RNFT2: variants seen among roughly 807,000 people sequenced by gnomAD.
RNFT2 encodes the protein E3 ubiquitin-protein ligase RNFT2.
In RNFT2, 36 loss-of-function variants were observed where a neutral mutation model predicts 53.0. That is an observed-to-expected ratio of 0.68 (90% CI 0.52 to 0.90). The LOEUF (loss-of-function observed/expected upper bound fraction) is 0.90, where lower values mean the gene tolerates loss of function less well. Ranked by LOEUF, RNFT2 falls within the 40% of genes least tolerant of loss-of-function variation. The pLI, the probability that RNFT2 is intolerant of heterozygous loss-of-function variation, is 0.00. For synonymous variants in RNFT2, 260 were observed against 253.2 expected, an observed-to-expected ratio of 1.03 and a Z score of -0.26; for missense variants, 514 against 585.6, an observed-to-expected ratio of 0.88 and a Z score of 1.26.
chr12:116,740,407 G>A lies in RNFT2; in HGVS notation c.-91G>A. 4.6e-6 allele frequency: 6 copies of A among 1,292,810 alleles called. No individual in the cohort carries two copies. Among genetic ancestry groups the A allele is most frequent in the Non-Finnish European group, 6.6e-6 (6 of 913,050 alleles). 80.1% of individuals were successfully genotyped at this position (1,292,810 alleles called of 1,614,324 possible). The stretch of plus-strand genomic sequence containing the variant: ...CCTCTGGAGACGAAGAGGAGGGGGA[G>A]GCCTGTCCTCTCTGGGATCCATTGG... On this transcript the variant is annotated 5_prime_UTR_variant, in exon 2 of 11. Transcript: ENST00000257575.
intron 7 of RNFT2, among the ~76,000 whole-genome samples, chr12:116,797,566 G>A (rs887415065): frequency 2.0e-5 from 3 of 151,760 alleles, no homozygotes; most frequent in Non-Finnish European, 4.4e-5. Flanking sequence ...TATTAAGTTA[G>A]AGTGAGGTCA....
At position 116,850,829 on chromosome 12, in the gene RNFT2, C is replaced by T. The variant is rs1227856135; in HGVS notation, c.*1381C>T. ...TGTATTTTTAGTAGAGATGGGGTTT[C>T]ACCACGTTGGCCAGGCTGGCCTCAA... On this transcript the variant is annotated 3_prime_UTR_variant, in exon 11 of 11. Transcript: ENST00000257575. 6.6e-6 allele frequency: 1 copy of T among 150,774 alleles called. No individual in the cohort carries two copies. The highest frequency in any genetic ancestry group is 1.5e-5 in the Non-Finnish European group (1 of 67,918). 9.3% of individuals were successfully genotyped at this position (150,774 alleles called of 1,614,324 possible). A position where few individuals can be genotyped will look rare whatever the true frequency, so the allele number is the denominator to read the frequency against.
In RNFT2 at chr12:116,790,263, G is replaced by A. The variant is rs545006069; in HGVS notation, c.882+10915G>A. Among the ~76,000 whole-genome samples, 43 of 152,268 alleles carry A rather than the reference G, an allele frequency of 2.8e-4. No homozygotes were observed. In the South Asian group the frequency reaches 4.6e-3, roughly 16 times the overall value. ...CATTTATTATGAGGCAATGTGTTAA[G>A]CAATGCCATTTGTTCAAGAAATATT... is the stretch of plus-strand genomic sequence containing the variant. On this transcript the variant is annotated intron_variant, in intron 7 of 10. Transcript: ENST00000257575.
At position 116,750,091 on chromosome 12, in the gene RNFT2, C is replaced by G; in HGVS notation, c.334C>G (p.Pro112Ala). The G allele has an allele frequency of 6.4e-7, 1 of 1,552,718 alleles. No individual in the cohort carries two copies. Among genetic ancestry groups the G allele is most frequent in the Non-Finnish European group, 8.7e-7 (1 of 1,154,170 alleles). ...GGGGGGCGCCTACCACCACCGCCAG[C>G]CCCACCACCATTTCCACCATGGCGG... ...GEGGAYHHRQ[P>A]HHHFHHGGHR... The change falls in exon 4 of 11, where the codon CCC (proline) becomes GCC (alanine). Residue 112 changes from proline to alanine, a missense_variant. Coordinates refer to ENST00000257575, the MANE Select transcript of RNFT2 (RefSeq NM_001382266.1).
chr12:116,830,959 TC>T (rs1490508657), intron 7 of RNFT2, among the ~76,000 whole-genome samples: 4 of 151,264 alleles, frequency 2.6e-5, no homozygotes, highest in Non-Finnish European at 5.9e-5. Context: ...GAAACCAAGA[TC>T]CCATGTTACA....
At chr12:116,789,960 GTGGATGGATGGATGGATGGATGGA>G (rs71095596) in intron 7 of RNFT2, among the ~76,000 whole-genome samples, 1 of 146,172 alleles carries the variant, frequency 6.8e-6, no homozygotes, top group Non-Finnish European at 1.5e-5. Flanking sequence ...GGATGGGTGG[GTGGATGGATGGATGGATGGATGGA>G]TGGATGGATA....
intron 7 of RNFT2, among the ~76,000 whole-genome samples, chr12:116,796,197 C>T (rs974835882): frequency 6.6e-6 from 1 of 151,876 alleles, no homozygotes; most frequent in Non-Finnish European, 1.5e-5. Flanking sequence ...GTGTGAGCCA[C>T]CATGCCCAGC....
chr12:116,786,989 G>A (rs1050949523), intron 7 of RNFT2, among the ~76,000 whole-genome samples: 1 of 152,132 alleles, frequency 6.6e-6, no homozygotes, highest in African/African-American at 2.4e-5. Flanking sequence ...CACATGTAAC[G>A]GTATTTTGGG....
intron 6 of RNFT2, among the ~76,000 whole-genome samples, chr12:116,772,316 T>G (rs1873238525): frequency 6.6e-6 from 1 of 152,202 alleles, no homozygotes; most frequent in Admixed American, 6.5e-5. Context: ...TTATTTTGTT[T>G]TTATTTTTTG....
Position 116,741,084 on chromosome 12 carries a change from C to T in RNFT2, c.73C>T (p.Pro25Ser), listed in dbSNP as rs747820434. 2.5e-6 allele frequency: 4 copies of T among 1,609,890 alleles called. No individual in the cohort carries two copies. The highest frequency in any genetic ancestry group is 3.4e-6 in the Non-Finnish European group (4 of 1,178,130). Residue 25 changes from proline to serine, a missense_variant, in exon 3 of 11, where the codon CCA (proline) becomes TCA (serine). This residue lies in a region of RNFT2 where 237 missense variants were observed against 235.1 expected (regional missense o/e 1.01). Coordinates refer to ENST00000257575, the MANE Select transcript of RNFT2 (RefSeq NM_001382266.1). ...CCACAGCAGCAACACGGATAACATT[C>T]CACCTGAAAGGTAGGCATCCCTGCT... ...RRHSSNTDNI[P>S]PERNRSQALS...
chr12:116,743,983 T>A (rs969812958), intron 3 of RNFT2, among the ~76,000 whole-genome samples: 1 of 152,084 alleles, frequency 6.6e-6, no homozygotes, highest in Non-Finnish European at 1.5e-5. Flanking sequence ...TCCCAGCACT[T>A]TGCGGGGGTA....
intron 6 of RNFT2, among the ~76,000 whole-genome samples, chr12:116,767,571 T>G (rs1334534362): frequency 6.6e-6 from 1 of 151,820 alleles, no homozygotes; most frequent in Non-Finnish European, 1.5e-5. Flanking sequence ...ATTATGTTTT[T>G]TTTTTGTTTG....
intron 7 of RNFT2, among the ~76,000 whole-genome samples, chr12:116,784,419 A>G (rs915494278): frequency 6.6e-5 from 10 of 152,194 alleles, no homozygotes; most frequent in African/African-American, 2.2e-4. Context: ...TGGGCTGCAC[A>G]TGGTCATGTG....
At chr12:116,768,023 A>G (rs566296692) in intron 6 of RNFT2, among the ~76,000 whole-genome samples, 1 of 152,206 alleles carries the variant, frequency 6.6e-6, no homozygotes, top group African/African-American at 2.4e-5. Flanking sequence ...TTCTGGAAGG[A>G]CAACCAAGAA....
intron 3 of RNFT2, among the ~76,000 whole-genome samples, chr12:116,742,099 C>T (rs527369272): frequency 6.6e-6 from 1 of 152,152 alleles, no homozygotes; most frequent in South Asian, 2.1e-4. Flanking sequence ...GCAGGGCCAC[C>T]TGGGGAAGCA....
At chr12:116,841,222 T>A (rs1383181915) in intron 10 of RNFT2, among the ~76,000 whole-genome samples, 1 of 151,832 alleles carries the variant, frequency 6.6e-6, no homozygotes, top group East Asian at 1.9e-4. Flanking sequence ...GAGGCCAAGG[T>A]GGGCAGATTG....
rs142679592 is a variant in RNFT2 at position 116,739,877 on chromosome 12, T to A, written c.-153-468T>A. On this transcript the variant is annotated intron_variant, in intron 1 of 10. Transcript: ENST00000257575. ...TTCTGGCTTCCCCAATCAGGACTCT[T>A]AGTTTGACAATAGGATGAAATACAA... Among the ~76,000 whole-genome samples, 425 of 152,324 alleles carry A rather than the reference T, an allele frequency of 2.8e-3. 2 individuals carry two copies. The highest frequency in any genetic ancestry group is 9.7e-3 in the African/African-American group (404 of 41,570).
At chr12:116,821,049 T>C (rs1311548593) in intron 7 of RNFT2, among the ~76,000 whole-genome samples, 4 of 152,118 alleles carry the variant, frequency 2.6e-5, no homozygotes, top group Non-Finnish European at 4.4e-5. Flanking sequence ...AGAGGAGCAA[T>C]TGGTGTGCCG....
At chr12:116,789,891 AGT>A (rs1874145967) in intron 7 of RNFT2, among the ~76,000 whole-genome samples, 1 of 142,284 alleles carries the variant, frequency 7.0e-6, no homozygotes, top group Non-Finnish European at 1.5e-5. Context: ...ATGGTAGGAG[AGT>A]GGTGGGTGGA....
Sources: gnomAD v4.1 joint callset for allele counts (sites outside exome capture counted in the v4.1 genomes callset) on GRCh38, gnomAD v4.1.1 for gene constraint, gnomAD v4.1.1 regional missense constraint, MANE v1.5 for transcripts, NCBI Gene and HGNC (gene_info 2026-07-23, HGNC 2026-07-21) for gene names.